The following FBN2 variants were observed in gnomAD, a reference collection of about 807,000 sequenced individuals.
FBN2 encodes fibrillin-2.
Under a neutral mutation model 355.6 loss-of-function variants are expected in FBN2, and 105 were observed. That is an observed-to-expected ratio of 0.30 (90% CI 0.25 to 0.35). FBN2 has a LOEUF of 0.35. Ranked by LOEUF, FBN2 falls within the 10% of genes least tolerant of loss-of-function variation. The pLI is 1.00. For missense variants in FBN2, 3,280 were observed against 3,758.7 expected, an observed-to-expected ratio of 0.87 and a Z score of 3.33; for synonymous variants, 1,350 against 1,301.2, an observed-to-expected ratio of 1.04 and a Z score of -0.81.
chr5:128,401,061 G>A (rs1268527849), intron 8 of FBN2, among the ~76,000 whole-genome samples: 1 of 152,168 alleles, frequency 6.6e-6, no homozygotes, highest in Non-Finnish European at 1.5e-5. Context: ...CCCTGATTCT[G>A]AGGCCTTCCC....
rs573838371 is a variant in FBN2 at position 128,321,290 on chromosome 5, T to C, written c.4472-2289A>G. On this transcript the variant is annotated intron_variant, in intron 34 of 64. Transcript: ENST00000262464. ...ATATTGAATATTTCTGTTTAGCTCA[T>C]GAATTGCATTTTTTAAAAATTATAC... Among the ~76,000 whole-genome samples, 31 of 152,346 alleles carry C rather than the reference T, an allele frequency of 2.0e-4. 2 individuals are homozygous for C. In the East Asian group the frequency reaches 5.2e-3, roughly 26 times the overall value.
At chr5:128,273,382 G>A (rs528936591) in intron 61 of FBN2, among the ~76,000 whole-genome samples, 8 of 152,278 alleles carry the variant, frequency 5.3e-5, no homozygotes, top group East Asian at 1.9e-4. Context: ...AGCTTGACTC[G>A]TAAAAAACAG....
chr5:128,401,805 C>T lies in FBN2; in HGVS notation c.1079-6531G>A, dbSNP rs968187661. Among the ~76,000 whole-genome samples, 10 of 151,944 alleles carry T rather than the reference C, an allele frequency of 6.6e-5. 1 individual carries two copies. Among genetic ancestry groups the T allele is most frequent in the Admixed American group, 6.6e-4 (10 of 15,244 alleles). On this transcript the variant is annotated intron_variant, in intron 8 of 64. Coordinates refer to ENST00000262464, the MANE Select transcript of FBN2 (RefSeq NM_001999.4). ...AAAGAAAAAATAATACTAATAATAA[C>T]CATTGTTCTACACAGTTTGGAAACC...
intron 5 of FBN2, among the ~76,000 whole-genome samples, chr5:128,499,531 G>C (rs928443555): frequency 1.1e-4 from 17 of 152,144 alleles, no homozygotes; most frequent in Admixed American, 1.1e-3. Context: ...AAAACTCCCT[G>C]GTGATGATAA....
At chr5:128,458,643 C>T (rs1347997612) in intron 6 of FBN2, among the ~76,000 whole-genome samples, 1 of 152,104 alleles carries the variant, frequency 6.6e-6, no homozygotes, top group African/African-American at 2.4e-5. Flanking sequence ...GATTAAGAAA[C>T]TCAGTCAAAA....
intron 55 of FBN2, among the ~76,000 whole-genome samples, chr5:128,283,692 C>T (rs1749053547): frequency 1.3e-5 from 2 of 152,126 alleles, no homozygotes; most frequent in Non-Finnish European, 2.9e-5. Context: ...ATCTATGGCT[C>T]ATAAATATGT....
At chr5:128,331,681 C>A (rs778790393) in intron 32 of FBN2, among the ~76,000 whole-genome samples, 1 of 152,002 alleles carries the variant, frequency 6.6e-6, no homozygotes, top group Non-Finnish European at 1.5e-5. Flanking sequence ...TCAGCAGACA[C>A]GAAGAGCGAG....
In FBN2 at chr5:128,303,224, G is replaced by A. The variant is rs140422234; in HGVS notation, c.5801-135C>T. The A allele has an allele frequency of 5.5e-4, 370 of 667,650 alleles. 1 individual carries two copies. The African/African-American group carries it at 5.8e-3, about 10-fold the overall frequency. 41.4% of individuals were successfully genotyped at this position (667,650 alleles called of 1,614,324 possible). ...TACTAGAAACTCATATCTACTTGAG[G>A]AAAATGAGTAAGAGATACGGAAAAA... On this transcript the variant is annotated intron_variant, in intron 45 of 64. Transcript: ENST00000262464.
intron 5 of FBN2, among the ~76,000 whole-genome samples, chr5:128,488,100 T>C (rs1321079396): frequency 1.3e-5 from 2 of 152,208 alleles, no homozygotes; most frequent in Non-Finnish European, 2.9e-5. Flanking sequence ...TTAATAAATG[T>C]TTCAGTCATA....
intron 5 of FBN2, among the ~76,000 whole-genome samples, chr5:128,466,874 C>A (rs1754727615): frequency 1.3e-5 from 2 of 152,142 alleles, no homozygotes; most frequent in South Asian, 2.1e-4. Context: ...CTTTTAAAAT[C>A]TATCCTATTG....
intron 25 of FBN2, among the ~76,000 whole-genome samples, chr5:128,342,228 G>C (rs1751042652): frequency 1.3e-5 from 2 of 152,096 alleles, no homozygotes; most frequent in South Asian, 4.1e-4. Context: ...GGAAAGGCAA[G>C]AAGAATCTGT....
At chr5:128,537,135 C>G (rs752037579) in intron 1 of FBN2, among the ~76,000 whole-genome samples, 3 of 152,150 alleles carry the variant, frequency 2.0e-5, no homozygotes, top group Non-Finnish European at 2.9e-5. Flanking sequence ...GCCGCCCAAC[C>G]CCCGGAGAGA....
intron 18 of FBN2, among the ~76,000 whole-genome samples, chr5:128,363,066 T>C (rs927198418): frequency 6.6e-6 from 1 of 152,182 alleles, no homozygotes; most frequent in Non-Finnish European, 1.5e-5. Flanking sequence ...ATTAACATTA[T>C]ATTTTAAGGA....
intron 11 of FBN2, among the ~76,000 whole-genome samples, chr5:128,384,563 AG>A (rs1752317472): frequency 6.6e-6 from 1 of 152,092 alleles, no homozygotes; most frequent in Non-Finnish European, 1.5e-5. Context: ...GACTTTTAGG[AG>A]TCATGAACAC....
At chr5:128,383,726 T>C (rs1327087851) in intron 11 of FBN2, among the ~76,000 whole-genome samples, 1 of 152,014 alleles carries the variant, frequency 6.6e-6, no homozygotes, top group Non-Finnish European at 1.5e-5. Context: ...ATGTGAATCA[T>C]TAGAGAAATG....
intron 63 of FBN2, among the ~76,000 whole-genome samples, chr5:128,262,983 G>A (rs1765013119): frequency 6.6e-6 from 1 of 152,168 alleles, no homozygotes; most frequent in Non-Finnish European, 1.5e-5. Flanking sequence ...AGCCACATGA[G>A]CAAAGAAAGG....
chr5:128,262,038 A>G, intron 63 of FBN2, 131 bp from the exon 64 acceptor site: 2 of 769,292 alleles, frequency 2.6e-6, no homozygotes, highest in East Asian at 2.5e-5. Context: ...TAAAACCCTA[A>G]TATTCTTTGC....
intron 5 of FBN2, among the ~76,000 whole-genome samples, chr5:128,477,859 T>C (rs368558880): frequency 1.3e-5 from 2 of 152,200 alleles, no homozygotes; most frequent in East Asian, 1.9e-4. Context: ...TTGCACTGAA[T>C]GAAATGCCTT....
chr5:128,465,705 C>T (rs1032709912), intron 5 of FBN2, among the ~76,000 whole-genome samples: 6 of 152,194 alleles, frequency 3.9e-5, no homozygotes, highest in African/African-American at 1.4e-4. Flanking sequence ...AGTGACTGTA[C>T]ATTGTCCAGC....
Sources: gnomAD v4.1 joint callset for allele counts (sites outside exome capture counted in the v4.1 genomes callset) on GRCh38, gnomAD v4.1.1 for gene constraint, MANE v1.5 for transcripts, NCBI Gene and HGNC (gene_info 2026-07-23, HGNC 2026-07-21) for gene names.